Variants in CTNNA3 observed in about 807,000 individuals in gnomAD.
The protein encoded by CTNNA3 is catenin alpha 3, also known as catenin alpha-3.
CTNNA3 carries 76 observed loss-of-function variants against 95.7 expected under a neutral mutation model. The observed-to-expected ratio is 0.79, with a 90% CI of 0.66 to 0.96. CTNNA3 has a LOEUF of 0.96. CTNNA3 is among the 40% of genes least tolerant of loss of function. The probability of loss-of-function intolerance (pLI) is 0.00; values close to 1 mark genes in which losing one functional copy is unlikely to be tolerated. For missense variants in CTNNA3, 1,191 were observed against 1,089.8 expected (o/e 1.09, Z -1.31); for synonymous variants, 431 against 374.4 (o/e 1.15, Z -1.74).
intron 5 of CTNNA3, among the ~76,000 whole-genome samples, chr10:67,425,529 G>A (rs1431350963): frequency 1.3e-5 from 2 of 151,580 alleles, no homozygotes; most frequent in Admixed American, 6.6e-5. Flanking sequence ...TTTTTGAAGA[G>A]GAAAAAAAAA....
chr10:66,119,319 T>C (rs1020357979), intron 13 of CTNNA3, among the ~76,000 whole-genome samples: 1 of 152,172 alleles, frequency 6.6e-6, no homozygotes, highest in Non-Finnish European at 1.5e-5. Context: ...CAACATACAG[T>C]ATTATTTGTA....
At chr10:66,031,749 A>G (rs1187004058) in intron 15 of CTNNA3, among the ~76,000 whole-genome samples, 1 of 152,230 alleles carries the variant, frequency 6.6e-6, no homozygotes, top group South Asian at 2.1e-4. Flanking sequence ...ATTATAAAAT[A>G]ACCTTGCAGA....
At chr10:66,129,842 C>T (rs575932888) in intron 13 of CTNNA3, among the ~76,000 whole-genome samples, 1 of 152,098 alleles carries the variant, frequency 6.6e-6, no homozygotes, top group Non-Finnish European at 1.5e-5. Flanking sequence ...GGCACCCCCC[C>T]ACATCACTTA....
chr10:66,693,225 G>C (rs528109038), intron 9 of CTNNA3, among the ~76,000 whole-genome samples: 1 of 151,956 alleles, frequency 6.6e-6, no homozygotes, highest in African/African-American at 2.4e-5. Flanking sequence ...CATCTCACAC[G>C]CAGAGACACA....
intron 17 of CTNNA3, among the ~76,000 whole-genome samples, chr10:65,931,460 A>G: frequency 6.6e-6 from 1 of 152,226 alleles, no homozygotes; most frequent in East Asian, 1.9e-4. Context: ...GGAAGCAGAT[A>G]ACAAGACAGT....
intron 7 of CTNNA3, among the ~76,000 whole-genome samples, chr10:66,892,699 A>G (rs1003993188): frequency 6.6e-6 from 1 of 152,148 alleles, no homozygotes; most frequent in Non-Finnish European, 1.5e-5. Flanking sequence ...TATAATGAAG[A>G]TATTAAGCTT....
At chr10:67,338,862 G>A (rs1842083722) in intron 5 of CTNNA3, among the ~76,000 whole-genome samples, 1 of 152,162 alleles carries the variant, frequency 6.6e-6, no homozygotes, top group Admixed American at 6.6e-5. Context: ...GATGATATCT[G>A]TAAACATTTG....
chr10:66,493,619 T>TTTTTTTTA (rs58554149), intron 11 of CTNNA3, among the ~76,000 whole-genome samples: 2 of 147,400 alleles, frequency 1.4e-5, no homozygotes, highest in Admixed American at 6.7e-5. Context: ...TTTTTTTTTT[T>TTTTTTTTA]GAGACCGAGT....
intron 11 of CTNNA3, among the ~76,000 whole-genome samples, chr10:66,394,957 T>C (rs978006117): frequency 6.6e-6 from 1 of 152,028 alleles, no homozygotes; most frequent in Non-Finnish European, 1.5e-5. Flanking sequence ...AATGTACAGA[T>C]AAAATTAAGA....
At chr10:66,105,648 T>C (rs1017266388) in intron 13 of CTNNA3, among the ~76,000 whole-genome samples, 1 of 152,192 alleles carries the variant, frequency 6.6e-6, no homozygotes, top group African/African-American at 2.4e-5. Flanking sequence ...AGCCTACCAT[T>C]TACACCCACA....
intron 9 of CTNNA3, among the ~76,000 whole-genome samples, chr10:66,691,918 A>G (rs10822883): frequency 0.18 from 27,052 of 152,094 alleles, 3,032 homozygotes; most frequent in East Asian, 0.33. Context: ...GTTAGAAGGA[A>G]AACTAACAAA....
Position 66,751,355 on chromosome 10 carries a change from C to A in CTNNA3, c.1281+14909G>T, listed in dbSNP as rs139732557. On this transcript the variant is annotated intron_variant, in intron 9 of 17. Coordinates refer to ENST00000433211, the MANE Select transcript of CTNNA3 (RefSeq NM_013266.4). ...GTATATTAATCATATATTCTGCAAC[C>A]TTTCTACAATCATTTATTAGTTCCA... 2.9e-3 allele frequency among the ~76,000 whole-genome samples: 440 copies of A among 152,264 alleles called. 5 individuals carry two copies. The highest frequency in any genetic ancestry group is 9.9e-3 in the African/African-American group (411 of 41,556).
At chr10:67,247,540 T>G (rs181669775) in intron 5 of CTNNA3, among the ~76,000 whole-genome samples, 1 of 152,348 alleles carries the variant, frequency 6.6e-6, no homozygotes, top group East Asian at 1.9e-4. Flanking sequence ...TTCCATGTCA[T>G]GGATTAGAAA....
intron 14 of CTNNA3, among the ~76,000 whole-genome samples, chr10:66,089,410 CCTTCCTTCCTTT>C (rs981995010): frequency 1.4e-4 from 21 of 151,302 alleles, no homozygotes; most frequent in Non-Finnish European, 2.8e-4. Context: ...TTACTCCCTT[CCTTCCTTCCTTT>C]CTTCCTTCCT....
chr10:66,218,713 G>A (rs1400437612), intron 13 of CTNNA3, among the ~76,000 whole-genome samples: 1 of 152,226 alleles, frequency 6.6e-6, no homozygotes, highest in Non-Finnish European at 1.5e-5. Context: ...TGACACAAAA[G>A]TGCAGTGATG....
chr10:67,372,805 G>C (rs1843530568), intron 5 of CTNNA3, among the ~76,000 whole-genome samples: 1 of 152,174 alleles, frequency 6.6e-6, no homozygotes, highest in African/African-American at 2.4e-5. Context: ...AGCCAGAAGA[G>C]ACTGGGGGCC....
At chr10:66,444,612 A>T (rs1331332300) in intron 11 of CTNNA3, among the ~76,000 whole-genome samples, 2 of 152,230 alleles carry the variant, frequency 1.3e-5, no homozygotes, top group African/African-American at 4.8e-5. Flanking sequence ...TACTTTACAG[A>T]CAAGCAAATG....
At chr10:67,558,171 CAT>C (rs1336172372) in intron 3 of CTNNA3, among the ~76,000 whole-genome samples, 1 of 152,208 alleles carries the variant, frequency 6.6e-6, no homozygotes, top group African/African-American at 2.4e-5. Flanking sequence ...GAACCTGAGT[CAT>C]AGTCCCAGAT....
intron 16 of CTNNA3, among the ~76,000 whole-genome samples, chr10:65,980,872 C>A (rs1052730360): frequency 1.3e-5 from 2 of 151,964 alleles, no homozygotes; most frequent in Non-Finnish European, 2.9e-5. Context: ...TATGACAAAC[C>A]CACAGCCAAT....
Sources: gnomAD v4.1 joint callset for allele counts (sites outside exome capture counted in the v4.1 genomes callset) on GRCh38, gnomAD v4.1.1 for gene constraint, MANE v1.5 for transcripts, NCBI Gene and HGNC (gene_info 2026-07-23, HGNC 2026-07-21) for gene names.